The following IQSEC1 variants were observed in gnomAD, a reference collection of about 807,000 sequenced individuals.
IQSEC1 encodes the protein IQ motif and SEC7 domain-containing protein 1.
IQSEC1 carries 31 observed loss-of-function variants against 91.0 expected under a neutral mutation model. The ratio of observed to expected loss-of-function variants is 0.34; its 90% CI spans 0.26 to 0.46. IQSEC1 has a LOEUF of 0.46. IQSEC1 is among the 20% of genes least tolerant of loss of function. IQSEC1 has a pLI of 1.00. For missense variants in IQSEC1, 1,388 were observed against 1,575.6 expected, an observed-to-expected ratio of 0.88 and a Z score of 2.02; for synonymous variants, 699 against 662.6, an observed-to-expected ratio of 1.05 and a Z score of -0.84.
chr3:13,177,184 G>C (rs1576283659), intron 1 of IQSEC1, among the ~76,000 whole-genome samples: 1 of 152,320 alleles, frequency 6.6e-6, no homozygotes, highest in African/African-American at 2.4e-5. Flanking sequence ...ACTTTAAAAG[G>C]GCCAAGTGAC....
At chr3:12,923,476 T>C (rs1261241782) in intron 4 of IQSEC1, among the ~76,000 whole-genome samples, 1 of 152,202 alleles carries the variant, frequency 6.6e-6, no homozygotes, top group African/African-American at 2.4e-5. Flanking sequence ...AGCCTGTGCA[T>C]GCTTGGCAGA....
chr3:12,936,710 G>A lies in IQSEC1; in HGVS notation c.319-13C>T, dbSNP rs1397523156. 1 of 1,554,136 alleles carries A rather than the reference G, an allele frequency of 6.4e-7. No individual in the cohort carries two copies. Among genetic ancestry groups the A allele is most frequent in the Non-Finnish European group, 8.7e-7 (1 of 1,148,232 alleles). On this transcript the variant is annotated splice_polypyrimidine_tract_variant and intron_variant, in intron 2 of 13. Coordinates refer to ENST00000613206, the MANE Select transcript of IQSEC1 (RefSeq NM_001134382.3). ...CTAGCATCTCCACCTGCGGGTGGGA[G>A]AGGAGAATGAGAACAGCACTGCATG...
At position 12,936,747 on chromosome 3, in the gene IQSEC1, C is replaced by T. The variant is rs377094874; in HGVS notation, c.319-50G>A. ...AACAGCACTGCATGTAGGCACAGTGCGACATTTACCAAACTCCTTCCCACT... is the reference window on the plus strand; with the variant it reads ...AACAGCACTGCATGTAGGCACAGTGTGACATTTACCAAACTCCTTCCCACT... On this transcript the variant is annotated intron_variant, in intron 2 of 13. Coordinates refer to ENST00000613206, the MANE Select transcript of IQSEC1 (RefSeq NM_001134382.3). 27 of 1,464,998 alleles carry T rather than the reference C, an allele frequency of 1.8e-5. No individual in the cohort carries two copies. The South Asian group carries it at 3.1e-4, about 17-fold the overall frequency. 90.7% of individuals were successfully genotyped at this position (1,464,998 alleles called of 1,614,324 possible).
intron 2 of IQSEC1, among the ~76,000 whole-genome samples, chr3:13,089,814 T>G (rs1705806345): frequency 6.6e-6 from 1 of 152,192 alleles, no homozygotes; most frequent in Admixed American, 6.5e-5. Context: ...CGAATGGGTA[T>G]GGAGTTTCTG....
intron 1 of IQSEC1, among the ~76,000 whole-genome samples, chr3:13,002,369 T>A (rs1054247211): frequency 6.6e-6 from 1 of 151,980 alleles, no homozygotes; most frequent in Non-Finnish European, 1.5e-5. Context: ...CTTTTGCACT[T>A]CAAAAGACAC....
intron 3 of IQSEC1, among the ~76,000 whole-genome samples, chr3:12,934,811 G>C (rs1381000638): frequency 6.6e-6 from 1 of 152,040 alleles, no homozygotes; most frequent in Non-Finnish European, 1.5e-5. Context: ...GGACCCCCTT[G>C]GGGAGCAGCT....
At position 12,922,289 on chromosome 3, in the gene IQSEC1, G is replaced by C. The variant is rs138894616; in HGVS notation, c.1731-47C>G. The C allele has an allele frequency of 2.0e-6, 3 of 1,484,758 alleles. No individual in the cohort carries two copies. The highest frequency in any genetic ancestry group is 1.8e-6 in the Non-Finnish European group (2 of 1,104,040). The allele number at this position is 1,484,758 out of a possible 1,614,324, so 92.0% of individuals were successfully genotyped here. On this transcript the variant is annotated intron_variant, in intron 4 of 13. Coordinates refer to ENST00000613206, the MANE Select transcript of IQSEC1 (RefSeq NM_001134382.3). This position sits in a 1 kb window ranked among gnomAD's most constrained non-coding sequence, Gnocchi z 5.1. The stretch of plus-strand genomic sequence containing the variant: ...CCGCATAAGCACCCCTTGCAGGTGC[G>C]ACACGCCCAGCCCACCCCCAGGTGG...
At chr3:13,281,523 C>A (rs1695789508) in intron 1 of IQSEC1, among the ~76,000 whole-genome samples, 1 of 152,138 alleles carries the variant, frequency 6.6e-6, no homozygotes, top group Non-Finnish European at 1.5e-5. Context: ...CCAAAGAGCC[C>A]CCCAGCCCCA....
Position 13,022,158 on chromosome 3 carries a change from CAG to C in IQSEC1, c.23+50832_23+50833del. 3 of 1,231,824 alleles carry C rather than the reference CAG, an allele frequency of 2.4e-6. No homozygotes were observed. The South Asian group carries it at 1.2e-4, about 51-fold the overall frequency. 76.3% of individuals were successfully genotyped at this position (1,231,824 alleles called of 1,614,324 possible). On this transcript the variant is annotated intron_variant, in intron 1 of 13. Coordinates refer to ENST00000613206, the MANE Select transcript of IQSEC1 (RefSeq NM_001134382.3). ...GGCCCACCACCACTGCCCCACCACC[CAG>C]AGTCTCCTCCTGGCCAGGGAACGGC...
At chr3:13,143,735 T>C (rs1367037250) in intron 2 of IQSEC1, among the ~76,000 whole-genome samples, 6 of 152,166 alleles carry the variant, frequency 3.9e-5, no homozygotes, top group Non-Finnish European at 5.9e-5. Context: ...TCATCACTTT[T>C]GAAGGGAACC....
intron 2 of IQSEC1, among the ~76,000 whole-genome samples, chr3:13,106,543 G>A (rs988486019): frequency 1.1e-4 from 17 of 152,236 alleles, no homozygotes; most frequent in Non-Finnish European, 2.5e-4. Context: ...GAATCACATA[G>A]GAGTAGGAGA....
chr3:13,114,306 A>C (rs1706299867), intron 2 of IQSEC1, among the ~76,000 whole-genome samples: 1 of 152,186 alleles, frequency 6.6e-6, no homozygotes, highest in Non-Finnish European at 1.5e-5. Context: ...TATATGCCCA[A>C]GAATTACAGG....
chr3:12,966,299 G>A (rs1700561589), intron 1 of IQSEC1, among the ~76,000 whole-genome samples: 1 of 152,208 alleles, frequency 6.6e-6, no homozygotes, highest in Non-Finnish European at 1.5e-5. Flanking sequence ...AAGGGGCAGA[G>A]GGAGACATAT....
intron 1 of IQSEC1, among the ~76,000 whole-genome samples, chr3:13,215,701 T>C (rs1025291523): frequency 6.6e-6 from 1 of 152,182 alleles, no homozygotes; most frequent in African/African-American, 2.4e-5. Context: ...GCCACTGCAC[T>C]CCACCCCTGG....
chr3:13,109,338 T>G (rs556100694), intron 2 of IQSEC1, among the ~76,000 whole-genome samples: 23 of 152,174 alleles, frequency 1.5e-4, no homozygotes, highest in African/African-American at 5.3e-4. Flanking sequence ...TAAGGTGAAA[T>G]ACAAATACCA....
Position 12,908,921 on chromosome 3 carries a change from T to A in IQSEC1, c.2578+352A>T, listed in dbSNP as rs1439261030. On this transcript the variant is annotated intron_variant, in intron 11 of 13. Transcript: ENST00000613206. The surrounding 1 kb of genome is among the most constrained non-coding windows in gnomAD (Gnocchi z 4.9). ...CAGGGAGTAGACCTGGAGCCAGGGATGGCCTTGGCTGTGTGACCCATCAGT... is the reference window on the plus strand; with the variant it reads ...CAGGGAGTAGACCTGGAGCCAGGGAAGGCCTTGGCTGTGTGACCCATCAGT... 6.6e-6 allele frequency among the ~76,000 whole-genome samples: 1 copy of A among 152,028 alleles called. No homozygotes were observed. The highest frequency in any genetic ancestry group is 2.4e-5 in the African/African-American group (1 of 41,380).
intron 2 of IQSEC1, among the ~76,000 whole-genome samples, chr3:13,099,124 T>C (rs778349738): frequency 5.3e-5 from 8 of 152,042 alleles, no homozygotes; most frequent in Non-Finnish European, 1.2e-4. Flanking sequence ...AGGAATAGGG[T>C]GGTGGCTAGA....
At chr3:13,157,335 C>T (rs931914591) in intron 2 of IQSEC1, among the ~76,000 whole-genome samples, 3 of 152,308 alleles carry the variant, frequency 2.0e-5, no homozygotes, top group Non-Finnish European at 4.4e-5. Flanking sequence ...ACGCAAAATA[C>T]ACCCAGTCAG....
rs560220949 is a variant in IQSEC1 at position 13,264,410 on chromosome 3, T to A, written c.272+18301A>T. 2.0e-5 allele frequency among the ~76,000 whole-genome samples: 3 copies of A among 152,320 alleles called. No homozygotes were observed. In the East Asian group the frequency reaches 5.8e-4, roughly 29 times the overall value. The stretch of plus-strand genomic sequence containing the variant: ...CACGGTGAAAACACGCCCCGCTGCC[T>A]GCTCTCCTGGGTCTCGGTCTTGTGT... On this transcript the variant is annotated intron_variant, in intron 1 of 15. Transcript: ENST00000648114.
Sources: allele counts gnomAD v4.1 joint callset (sites outside exome capture counted in the v4.1 genomes callset), GRCh38; gene constraint gnomAD v4.1.1; non-coding constraint Gnocchi (gnomAD v3.1); transcripts MANE v1.5; gene names NCBI Gene and HGNC (gene_info 2026-07-23, HGNC 2026-07-21).